Variants in CWC27 observed in about 807,000 individuals in gnomAD.
CWC27 encodes the protein spliceosome-associated protein CWC27 homolog.
Under a neutral mutation model 63.6 loss-of-function variants are expected in CWC27, and 47 were observed. The ratio of observed to expected loss-of-function variants is 0.74; its 90% CI spans 0.58 to 0.94. CWC27 has a LOEUF of 0.94. CWC27 is among the 40% of genes least tolerant of loss of function. The pLI, the probability that CWC27 is intolerant of heterozygous loss-of-function variation, is 0.00. For missense variants in CWC27, 495 were observed against 554.3 expected (o/e 0.89, Z 1.07); for synonymous variants, 175 against 179.8 (o/e 0.97, Z 0.22).
At chr5:64,877,693 A>T (rs974129940) in intron 10 of CWC27, among the ~76,000 whole-genome samples, 3 of 152,018 alleles carry the variant, frequency 2.0e-5, no homozygotes, top group African/African-American at 7.2e-5. Context: ...CATATTAGAA[A>T]TCAATAAAAA....
intron 11 of CWC27, among the ~76,000 whole-genome samples, chr5:64,902,734 A>G (rs1336511378): frequency 1.3e-5 from 2 of 152,170 alleles, no homozygotes; most frequent in South Asian, 2.1e-4. Flanking sequence ...AGGATCAACT[A>G]ATCAATTTCT....
At chr5:64,809,175 T>C (rs1272973917) in intron 10 of CWC27, among the ~76,000 whole-genome samples, 3 of 152,196 alleles carry the variant, frequency 2.0e-5, no homozygotes, top group Admixed American at 6.5e-5. Context: ...CAAATAGTAA[T>C]TGTATATATT....
intron 13 of CWC27, among the ~76,000 whole-genome samples, chr5:64,989,324 T>C (rs914798732): frequency 3.9e-5 from 6 of 152,214 alleles, no homozygotes; most frequent in African/African-American, 1.4e-4. Context: ...TGCCAAATTG[T>C]CTCATGTAGT....
intron 11 of CWC27, among the ~76,000 whole-genome samples, chr5:64,922,330 T>C (rs1373284769): frequency 6.6e-6 from 1 of 152,060 alleles, no homozygotes; most frequent in Non-Finnish European, 1.5e-5. Flanking sequence ...TGTTCATTTT[T>C]TACATTCTTT....
chr5:65,015,267 A>G (rs1750031257), intron 13 of CWC27, among the ~76,000 whole-genome samples: 1 of 152,244 alleles, frequency 6.6e-6, no homozygotes, highest in African/African-American at 2.4e-5. Context: ...TTTTTGAAAC[A>G]TGGAGAATCC....
intron 13 of CWC27, among the ~76,000 whole-genome samples, chr5:65,013,231 A>G (rs1412237346): frequency 1.3e-5 from 2 of 152,214 alleles, no homozygotes; most frequent in Non-Finnish European, 2.9e-5. Flanking sequence ...GCTGTGAGAA[A>G]TGAAAAGAGA....
chr5:64,837,798 T>C (rs1745695653), intron 10 of CWC27, among the ~76,000 whole-genome samples: 1 of 152,106 alleles, frequency 6.6e-6, no homozygotes, highest in Non-Finnish European at 1.5e-5. Context: ...TATGAAATAG[T>C]TGTCGCCGAT....
chr5:64,781,954 T>C lies in CWC27; in HGVS notation c.173T>C (p.Val58Ala), dbSNP rs1456878232. 6.3e-7 allele frequency: 1 copy of C among 1,599,886 alleles called. No homozygotes were observed. Among genetic ancestry groups the C allele is most frequent in the Non-Finnish European group, 8.5e-7 (1 of 1,169,668 alleles). ...YYDNTIFHRVVPGFIVQGGDP... is the reference protein window; with the variant it reads ...YYDNTIFHRVAPGFIVQGGDP... ...GACAATACCATTTTTCATAGAGTTG[T>C]GCCTGGTTTCATAGTCCAAGGCGGA... is the stretch of plus-strand genomic sequence containing the variant. Residue 58 changes from valine to alanine, a missense_variant, in exon 3 of 14, where the codon GTG becomes GCG. This residue lies in a region of CWC27 where 463 missense variants were observed against 498.1 expected (regional missense o/e 0.93). Transcript: ENST00000381070.
At chr5:64,807,763 C>T (rs1013067403) in intron 10 of CWC27, 5 of 1,535,990 alleles carry the variant, frequency 3.3e-6, no homozygotes, top group Admixed American at 2.0e-5. Context: ...ACACTTCAAA[C>T]TCACTCAACG....
At chr5:64,952,942 A>C (rs1748738981) in intron 11 of CWC27, among the ~76,000 whole-genome samples, 1 of 152,104 alleles carries the variant, frequency 6.6e-6, no homozygotes, top group African/African-American at 2.4e-5. Context: ...CAACATCAAA[A>C]ATACGTTTTT....
chr5:64,959,984 G>T (rs968675701), intron 11 of CWC27, among the ~76,000 whole-genome samples: 2 of 152,152 alleles, frequency 1.3e-5, no homozygotes, highest in African/African-American at 4.8e-5. Context: ...GGGAAAATTT[G>T]ATTAATTAAG....
chr5:64,881,115 G>A (rs1285572618), intron 10 of CWC27, among the ~76,000 whole-genome samples: 1 of 151,930 alleles, frequency 6.6e-6, no homozygotes, highest in Non-Finnish European at 1.5e-5. Flanking sequence ...CTTGCACTTC[G>A]TTTCAAGAGT....
intron 11 of CWC27, among the ~76,000 whole-genome samples, chr5:64,917,139 A>G (rs1747905649): frequency 6.6e-6 from 1 of 152,148 alleles, no homozygotes; most frequent in Admixed American, 6.5e-5. Context: ...TTCTCTAATA[A>G]CTATATGATG....
intron 10 of CWC27, among the ~76,000 whole-genome samples, chr5:64,819,751 G>A (rs985502456): frequency 2.6e-5 from 4 of 151,998 alleles, no homozygotes; most frequent in Admixed American, 6.6e-5. Flanking sequence ...GGACTAATAC[G>A]GGGACAAAAC....
chr5:64,967,816 A>G (rs956189462), intron 11 of CWC27, among the ~76,000 whole-genome samples: 8 of 152,026 alleles, frequency 5.3e-5, no homozygotes, highest in African/African-American at 1.9e-4. Flanking sequence ...TTATATTACT[A>G]AGAGAAAGCA....
intron 13 of CWC27, among the ~76,000 whole-genome samples, chr5:65,007,908 G>A (rs1013731602): frequency 3.2e-4 from 49 of 152,166 alleles, no homozygotes; most frequent in Admixed American, 1.0e-3. Flanking sequence ...GATTACAGGC[G>A]TGAGCCACCG....
chr5:64,928,110 G>A (rs149340040), intron 11 of CWC27, among the ~76,000 whole-genome samples: 4,028 of 151,498 alleles, frequency 0.027, 73 homozygotes, highest in Non-Finnish European at 0.04. Context: ...AGCTGAGATC[G>A]CGCCATTGCA....
At chr5:64,924,458 C>T (rs1439702378) in intron 11 of CWC27, among the ~76,000 whole-genome samples, 3 of 152,176 alleles carry the variant, frequency 2.0e-5, no homozygotes, top group African/African-American at 7.2e-5. Context: ...AGACTGAACT[C>T]CTTGCAAAGC....
At chr5:64,840,287 A>G (rs1745767214) in intron 10 of CWC27, among the ~76,000 whole-genome samples, 2 of 148,570 alleles carry the variant, frequency 1.3e-5, no homozygotes, top group Middle Eastern at 3.6e-3. Flanking sequence ...AACTTTCCCA[A>G]GGACTGAGCA....
Sources: gnomAD v4.1 joint callset for allele counts (sites outside exome capture counted in the v4.1 genomes callset) on GRCh38, gnomAD v4.1.1 for gene constraint, gnomAD v4.1.1 regional missense constraint, MANE v1.5 for transcripts, NCBI Gene and HGNC (gene_info 2026-07-23, HGNC 2026-07-21) for gene names.